RGSL1: variants seen among roughly 807,000 people sequenced by gnomAD.
RGSL1 encodes regulator of G protein signaling like 1, also known as regulator of G protein signaling protein-like.
RGSL1 carries 97 observed loss-of-function variants against 124.7 expected under a neutral mutation model. That is an observed-to-expected ratio of 0.78 (90% CI 0.66 to 0.92). The LOEUF (loss-of-function observed/expected upper bound fraction) is 0.92, where lower values mean the gene tolerates loss of function less well. Among genes scored for constraint, RGSL1 ranks in the 40% least tolerant of loss-of-function variants. RGSL1 has a pLI of 0.00. For missense variants in RGSL1, 1,233 were observed against 1,288.4 expected, an observed-to-expected ratio of 0.96 and a Z score of 0.66; for synonymous variants, 424 against 438.1, an observed-to-expected ratio of 0.97 and a Z score of 0.40.
Position 182,515,475 on chromosome 1 carries a change from G to C in RGSL1, c.1826-6529G>C, listed in dbSNP as rs908076331. 3.3e-5 allele frequency among the ~76,000 whole-genome samples: 5 copies of C among 149,300 alleles called. No individual in the cohort carries two copies. The Admixed American group carries it at 3.4e-4, about 10-fold the overall frequency. On this transcript the variant is annotated intron_variant, in intron 9 of 21. Transcript: ENST00000294854. ...CGAATTTGCAGTTACTAGCAAGCAG[G>C]GGTTGCTCCTCCCTATCATAAGCAG...
chr1:182,495,409 C>T (rs572723641), intron 9 of RGSL1, among the ~76,000 whole-genome samples: 7 of 152,182 alleles, frequency 4.6e-5, no homozygotes, highest in African/African-American at 1.7e-4. Context: ...AAGATCTCCA[C>T]ATGTCATGTT....
intron 8 of RGSL1, among the ~76,000 whole-genome samples, chr1:182,489,766 T>C (rs903784504): frequency 1.3e-5 from 2 of 152,230 alleles, no homozygotes; most frequent in African/African-American, 4.8e-5. Context: ...ATTTAACTTC[T>C]CTTTGAGCCC....
chr1:182,512,421 C>G (rs534126972), intron 9 of RGSL1, among the ~76,000 whole-genome samples: 10 of 152,196 alleles, frequency 6.6e-5, no homozygotes, highest in African/African-American at 2.4e-4. Context: ...CCTGACCCCC[C>G]CTCTGCAGAA....
rs1403114032 is a variant in RGSL1, at chr1:182,527,720, G to C, written c.2073G>C (p.Lys691Asn). The change falls in exon 11 of 22, where the codon AAG becomes AAC. Residue 691 changes from lysine to asparagine, a missense_variant. By Grantham distance (94) the Lys-to-Asn change is moderately conservative (BLOSUM62 0). Coordinates refer to ENST00000294854, the MANE Select transcript of RGSL1 (RefSeq NM_001137669.2). ...ISIETNEKIC[K>N]SLIENVIKTF... Reference sequence around the variant, plus strand: ...TAGAGACCAATGAAAAGATTTGCAAGTCTCTCATAGAAAATGTAATCAAGA... The same window carrying C: ...TAGAGACCAATGAAAAGATTTGCAACTCTCTCATAGAAAATGTAATCAAGA... The C allele has an allele frequency of 2.2e-5, 34 of 1,551,040 alleles. No individual in the cohort carries two copies. The highest frequency in any genetic ancestry group is 2.8e-5 in the Non-Finnish European group (32 of 1,146,638).
intron 9 of RGSL1, among the ~76,000 whole-genome samples, chr1:182,494,460 A>G (rs1655761886): frequency 6.6e-6 from 1 of 152,192 alleles, no homozygotes; most frequent in East Asian, 1.9e-4. Context: ...AATAAAACAC[A>G]TTGTTAAAAT....
intron 9 of RGSL1, among the ~76,000 whole-genome samples, chr1:182,512,131 T>C (rs1009668473): frequency 2.6e-5 from 4 of 152,166 alleles, no homozygotes; most frequent in Non-Finnish European, 2.9e-5. Flanking sequence ...GCTATTACTG[T>C]ATTGTGGTCT....
intron 20 of RGSL1, 172 bp from the exon 21 acceptor site, chr1:182,555,852 C>T (rs1303317432): frequency 1.6e-6 from 1 of 629,182 alleles, no homozygotes; most frequent in Admixed American, 2.9e-5. Context: ...GTTTATAAGG[C>T]CTTGGGGAAG....
At chr1:182,477,524 G>A (rs1654387238) in intron 6 of RGSL1, among the ~76,000 whole-genome samples, 1 of 152,152 alleles carries the variant, frequency 6.6e-6, no homozygotes, top group Admixed American at 6.6e-5. Flanking sequence ...AGACTCTGAG[G>A]CAGCCCTGTC....
intron 2 of RGSL1, among the ~76,000 whole-genome samples, chr1:182,457,799 G>A (rs1423691308): frequency 6.6e-6 from 1 of 152,172 alleles, no homozygotes; most frequent in East Asian, 1.9e-4. Context: ...CATGACAAAA[G>A]GGGATGGTAT....
At chr1:182,470,858 T>C (rs1403727221) in intron 4 of RGSL1, among the ~76,000 whole-genome samples, 1 of 152,178 alleles carries the variant, frequency 6.6e-6, no homozygotes, top group Non-Finnish European at 1.5e-5. Context: ...GAAAGGAAAC[T>C]AAATATGTTT....
chr1:182,473,668 T>A lies in RGSL1; in HGVS notation c.557T>A (p.Leu186His), dbSNP rs1469108083. ...SHMQKVALFK[L>H]QSYWLPNFYT... Reference sequence around the variant, plus strand: ...ATGCAGAAAGTGGCTCTGTTCAAACTCCAGAGCTATTGGCTTCCCAACTTT... The same window carrying A: ...ATGCAGAAAGTGGCTCTGTTCAAACACCAGAGCTATTGGCTTCCCAACTTT... Residue 186 changes from leucine (L) to histidine (H), a missense_variant, in exon 6 of 22, where the codon CTC becomes CAC. Physicochemically the swap from Leu to His is moderately conservative, Grantham distance 99. Coordinates refer to ENST00000294854, the MANE Select transcript of RGSL1 (RefSeq NM_001137669.2). 2 of 1,551,582 alleles carry A rather than the reference T, an allele frequency of 1.3e-6. No homozygotes were observed. Among genetic ancestry groups the A allele is most frequent in the Non-Finnish European group, 1.7e-6 (2 of 1,146,982 alleles).
At chr1:182,547,066 T>G (rs1169109311) in intron 15 of RGSL1, among the ~76,000 whole-genome samples, 1 of 152,234 alleles carries the variant, frequency 6.6e-6, no homozygotes, top group Admixed American at 6.5e-5. Flanking sequence ...CAGTGATGGA[T>G]TTAGCTCATT....
In RGSL1 at chr1:182,516,787, G is replaced by A. The variant is rs1486285062; in HGVS notation, c.1826-5217G>A. 4.6e-5 allele frequency among the ~76,000 whole-genome samples: 7 copies of A among 151,958 alleles called. No homozygotes were observed. In the East Asian group the frequency reaches 1.3e-3, roughly 29 times the overall value. ...TTTGACTTCAGTTATCTTAATTTAC[G>A]TATTACTAATGTTTTAACAGTTTCT... On this transcript the variant is annotated intron_variant, in intron 9 of 21. Coordinates refer to ENST00000294854, the MANE Select transcript of RGSL1 (RefSeq NM_001137669.2).
At position 182,453,934 on chromosome 1, in the gene RGSL1, TTTTA is replaced by T; in HGVS notation, c.14-20_14-17del. 8 of 1,298,126 alleles carry T rather than the reference TTTTA, an allele frequency of 6.2e-6. No individual in the cohort carries two copies. The highest frequency in any genetic ancestry group is 8.7e-6 in the Non-Finnish European group (8 of 921,550). 80.4% of individuals were successfully genotyped at this position (1,298,126 alleles called of 1,614,324 possible). A position where few individuals can be genotyped will look rare whatever the true frequency, so the allele number is the denominator to read the frequency against. ...TGCAATTCTGGTTCATGTTTTGTTT[TTTTA>T]TTTCTCTCTCTCCATATAGAGATAA... On this transcript the variant is annotated intron_variant, in intron 1 of 21. Transcript: ENST00000294854.
At chr1:182,531,386 G>T (rs1229424764) in intron 13 of RGSL1, among the ~76,000 whole-genome samples, 1 of 152,000 alleles carries the variant, frequency 6.6e-6, no homozygotes, top group Non-Finnish European at 1.5e-5. Context: ...TCTCCTATGG[G>T]AGAACAGAAA....
chr1:182,465,053 G>A (rs536073888), intron 4 of RGSL1, among the ~76,000 whole-genome samples: 1 of 147,362 alleles, frequency 6.8e-6, no homozygotes, highest in Non-Finnish European at 1.5e-5. Flanking sequence ...CTCCAGCCTA[G>A]GTAACAGAGC....
At chr1:182,530,969 G>A (rs941207669) in intron 13 of RGSL1, 59 bp downstream of exon 13, 4 of 1,506,710 alleles carry the variant, frequency 2.7e-6, no homozygotes, top group Non-Finnish European at 2.7e-6. Flanking sequence ...CGTCTTGGGG[G>A]TAGGTTTTTA....
At chr1:182,509,706 C>G (rs551261139) in intron 9 of RGSL1, among the ~76,000 whole-genome samples, 1 of 136,686 alleles carries the variant, frequency 7.3e-6, no homozygotes, top group Non-Finnish European at 1.6e-5. Flanking sequence ...CACGGCTGGC[C>G]GGGCGGGGGG....
chr1:182,460,045 C>A lies in RGSL1; in HGVS notation c.213C>A (p.Cys71Ter). Reference sequence around the variant, plus strand: ...GGTTATTGACCTGGTTGGAAAAATGCCGATTACCTTTCTTCTGTAAAACAA... The same window carrying A: ...GGTTATTGACCTGGTTGGAAAAATGACGATTACCTTTCTTCTGTAAAACAA... Reference protein sequence around the residue: ...YKGLLTWLEKCRLPFFCKTNL... With the variant: ...YKGLLTWLEK The change falls in exon 4 of 22, where the codon TGC becomes TGA. Residue 71 changes from cysteine (C) to a stop codon, truncating the protein, a stop_gained. Coordinates refer to ENST00000294854, the MANE Select transcript of RGSL1 (RefSeq NM_001137669.2). LOFTEE classifies it high-confidence loss of function. 1.3e-6 allele frequency: 2 copies of A among 1,551,612 alleles called. No homozygotes were observed. The highest frequency in any genetic ancestry group is 1.7e-6 in the Non-Finnish European group (2 of 1,146,968).
Sources: gnomAD v4.1 joint callset for allele counts (sites outside exome capture counted in the v4.1 genomes callset) on GRCh38, gnomAD v4.1.1 for gene constraint, MANE v1.5 for transcripts, NCBI Gene and HGNC (gene_info 2026-07-23, HGNC 2026-07-21) for gene names.